The following MDFIC2 variants were observed in gnomAD, a reference collection of about 807,000 sequenced individuals.
MDFIC2 encodes the protein MyoD family inhibitor domain containing 2.
intron 2 of MDFIC2, among the ~76,000 whole-genome samples, chr3:70,305,389 C>A (rs1212822130): frequency 5.9e-5 from 9 of 152,018 alleles, no homozygotes; most frequent in Admixed American, 5.9e-4. Flanking sequence ...TAAAAAGAGT[C>A]TCAAGATATG....
chr3:70,251,152 T>A (rs1011260368), intron 2 of MDFIC2, among the ~76,000 whole-genome samples: 3 of 152,174 alleles, frequency 2.0e-5, no homozygotes, highest in African/African-American at 7.2e-5. Flanking sequence ...TTAGAGAAAT[T>A]GCAAAAAGGT....
chr3:70,233,243 T>G (rs1395257824), intron 2 of MDFIC2, among the ~76,000 whole-genome samples: 1 of 152,118 alleles, frequency 6.6e-6, no homozygotes, highest in Non-Finnish European at 1.5e-5. Context: ...ATAATTAAAC[T>G]GCTCTGCAAA....
At chr3:70,287,311 A>G (rs909634850) in intron 2 of MDFIC2, among the ~76,000 whole-genome samples, 5 of 145,300 alleles carry the variant, frequency 3.4e-5, no homozygotes, top group African/African-American at 1.3e-4. Context: ...ATCTATTGAG[A>G]TAATCATGTG....
intron 3 of MDFIC2, among the ~76,000 whole-genome samples, chr3:70,197,453 C>T (rs1211154361): frequency 6.6e-6 from 1 of 152,120 alleles, no homozygotes; most frequent in Admixed American, 6.5e-5. Context: ...TTTCTAAACT[C>T]CTTTATTTAC....
At chr3:70,270,082 T>A (rs572669766) in intron 2 of MDFIC2, among the ~76,000 whole-genome samples, 1 of 152,152 alleles carries the variant, frequency 6.6e-6, no homozygotes, top group Non-Finnish European at 1.5e-5. Flanking sequence ...AAAAATACAA[T>A]GTTCTAAGAA....
At chr3:70,275,003 A>G (rs1033478804) in intron 2 of MDFIC2, among the ~76,000 whole-genome samples, 1 of 152,088 alleles carries the variant, frequency 6.6e-6, no homozygotes, top group African/African-American at 2.4e-5. Flanking sequence ...AGATTCTCAG[A>G]ACCTTGTTTC....
intron 2 of MDFIC2, among the ~76,000 whole-genome samples, chr3:70,237,831 C>T (rs1701625158): frequency 6.6e-6 from 1 of 152,068 alleles, no homozygotes; most frequent in Non-Finnish European, 1.5e-5. Context: ...AGTATTTTTC[C>T]TTAAATATTG....
intron 2 of MDFIC2, chr3:70,271,649 TAAG>T (rs1701976353): frequency 6.6e-6 from 1 of 152,206 alleles, no homozygotes; most frequent in Non-Finnish European, 1.5e-5. Flanking sequence ...CTGACTCATC[TAAG>T]AAGGTCTCTG....
intron 2 of MDFIC2, among the ~76,000 whole-genome samples, chr3:70,263,620 A>T (rs1315376004): frequency 6.6e-6 from 1 of 152,174 alleles, no homozygotes; most frequent in Non-Finnish European, 1.5e-5. Context: ...CACTTCACAC[A>T]TGTAGATGGT....
rs769459641 is a variant in MDFIC2, at chr3:70,195,330, C to T, written c.*1596G>A. ...GAAGGTGTGGGGCACTTTCATGCTCCGTGGTTTGTGAATAACATGGTCATC... is the reference window on the plus strand; with the variant it reads ...GAAGGTGTGGGGCACTTTCATGCTCTGTGGTTTGTGAATAACATGGTCATC... On this transcript the variant is annotated 3_prime_UTR_variant, in exon 4 of 4. Transcript: ENST00000567252. Among the ~76,000 whole-genome samples, 58 of 152,186 alleles carry T rather than the reference C, an allele frequency of 3.8e-4. No homozygotes were observed. Among genetic ancestry groups the T allele is most frequent in the Admixed American group, 3.0e-3 (46 of 15,278 alleles).
intron 2 of MDFIC2, among the ~76,000 whole-genome samples, chr3:70,239,636 C>G (rs1701646961): frequency 1.3e-5 from 2 of 152,258 alleles, no homozygotes; most frequent in South Asian, 4.1e-4. Flanking sequence ...CATTTCTAGA[C>G]CTCAGTTTCC....
chr3:70,210,583 T>C (rs964361995), intron 2 of MDFIC2, among the ~76,000 whole-genome samples: 1 of 152,110 alleles, frequency 6.6e-6, no homozygotes, highest in East Asian at 1.9e-4. Context: ...TAAAGTAGCA[T>C]AAGCTCAAAG....
At chr3:70,214,477 G>T (rs1333857013) in intron 2 of MDFIC2, among the ~76,000 whole-genome samples, 2 of 151,996 alleles carry the variant, frequency 1.3e-5, no homozygotes, top group Admixed American at 1.3e-4. Context: ...AGAAATAATA[G>T]AAGTGAGTGT....
intron 2 of MDFIC2, among the ~76,000 whole-genome samples, chr3:70,240,550 A>G (rs987536374): frequency 1.3e-5 from 2 of 152,170 alleles, no homozygotes; most frequent in African/African-American, 4.8e-5. Flanking sequence ...AAACAGATGC[A>G]CTGGTTGGCT....
chr3:70,264,056 A>T (rs1274515982), intron 2 of MDFIC2, among the ~76,000 whole-genome samples: 1 of 152,232 alleles, frequency 6.6e-6, no homozygotes. Flanking sequence ...TTCTGTAATC[A>T]TCTTGTGTCT....
chr3:70,266,083 C>A (rs1283748041), intron 2 of MDFIC2, among the ~76,000 whole-genome samples: 1 of 152,152 alleles, frequency 6.6e-6, no homozygotes, highest in Non-Finnish European at 1.5e-5. Context: ...TCTTTTGAGC[C>A]AAGTTTATTG....
chr3:70,231,842 G>T (rs1421894681), intron 2 of MDFIC2, among the ~76,000 whole-genome samples: 3 of 152,102 alleles, frequency 2.0e-5, no homozygotes, highest in Non-Finnish European at 4.4e-5. Flanking sequence ...TTCTCATCTG[G>T]AAGCTACTAA....
chr3:70,251,156 A>G (rs775096308), intron 2 of MDFIC2, among the ~76,000 whole-genome samples: 5 of 152,202 alleles, frequency 3.3e-5, no homozygotes, highest in Non-Finnish European at 7.3e-5. Context: ...AGAAATTGCA[A>G]AAAGGTGGTT....
intron 2 of MDFIC2, among the ~76,000 whole-genome samples, chr3:70,289,952 T>C (rs1296778176): frequency 6.6e-6 from 1 of 152,126 alleles, no homozygotes; most frequent in African/African-American, 2.4e-5. Context: ...ATTCTAGTTA[T>C]ACATTCTTCT....
Sources: allele counts gnomAD v4.1 joint callset (sites outside exome capture counted in the v4.1 genomes callset), GRCh38; gene constraint gnomAD v4.1.1; transcripts MANE v1.5; gene names NCBI Gene and HGNC (gene_info 2026-07-23, HGNC 2026-07-21).